Variants in THOC5 observed in about 807,000 individuals in gnomAD.
THOC5 encodes the protein Fms-interacting protein.
THOC5 carries 43 observed loss-of-function variants against 92.9 expected under a neutral mutation model. The observed-to-expected ratio is 0.46, with a 90% CI of 0.36 to 0.60. The LOEUF (loss-of-function observed/expected upper bound fraction) is 0.60, where lower values mean the gene tolerates loss of function less well. THOC5 is among the 20% of genes least tolerant of loss of function. THOC5 has a pLI of 0.00. For missense variants in THOC5, 659 were observed against 849.4 expected (o/e 0.78, Z 2.79); for synonymous variants, 296 against 320.1 (o/e 0.92, Z 0.80).
intron 17 of THOC5, among the ~76,000 whole-genome samples, chr22:29,512,727 C>A (rs2063248999): frequency 6.6e-6 from 1 of 152,152 alleles, no homozygotes. Context: ...CCTCATTTTA[C>A]ACATAAAGAA....
At chr22:29,526,856 C>T (rs539088454) in intron 11 of THOC5, among the ~76,000 whole-genome samples, 1 of 152,180 alleles carries the variant, frequency 6.6e-6, no homozygotes, top group Non-Finnish European at 1.5e-5. Context: ...AAGACTGAGA[C>T]ACTCACTGCC....
intron 1 of THOC5, among the ~76,000 whole-genome samples, chr22:29,551,677 G>T (rs67292640): frequency 1.3e-5 from 2 of 151,788 alleles, no homozygotes; most frequent in Non-Finnish European, 2.9e-5. Context: ...CTTGAGCCCA[G>T]AAGTTCCAGG....
chr22:29,552,670 C>A (rs2064191710), intron 1 of THOC5, among the ~76,000 whole-genome samples: 1 of 150,048 alleles, frequency 6.7e-6, no homozygotes, highest in Non-Finnish European at 1.5e-5. Context: ...GTGGGGGGCG[C>A]CTCTGCCCGG....
At chr22:29,518,119 C>T (rs560028661) in intron 15 of THOC5, among the ~76,000 whole-genome samples, 4 of 152,148 alleles carry the variant, frequency 2.6e-5, no homozygotes, top group Non-Finnish European at 5.9e-5. Flanking sequence ...CTGCAACTTC[C>T]GCCTCTCAGG....
chr22:29,533,886 A>G (rs1291708492), intron 7 of THOC5, among the ~76,000 whole-genome samples: 1 of 152,222 alleles, frequency 6.6e-6, no homozygotes, highest in Non-Finnish European at 1.5e-5. Flanking sequence ...GCTGGTGGGA[A>G]TTTCTGTAAA....
chr22:29,543,098 C>T (rs1398962619), intron 4 of THOC5, 142 bp from the exon 5 acceptor site: 3 of 624,964 alleles, frequency 4.8e-6, no homozygotes, highest in Non-Finnish European at 5.5e-6. Flanking sequence ...AATCCCAGCA[C>T]TTTGGGAGGC....
intron 11 of THOC5, among the ~76,000 whole-genome samples, 176 bp from the exon 12 acceptor site, chr22:29,526,122 A>G (rs2063538840): frequency 1.3e-5 from 2 of 152,204 alleles, no homozygotes; most frequent in African/African-American, 4.8e-5. Flanking sequence ...ACCACGCAAA[A>G]TAGTGTAACA....
intron 17 of THOC5, chr22:29,514,150 C>T (rs2063285093): frequency 1.3e-5 from 2 of 152,078 alleles, no homozygotes; most frequent in African/African-American, 4.8e-5. Context: ...GGGTTTTCAC[C>T]ATCTTGGCCA....
intron 3 of THOC5, among the ~76,000 whole-genome samples, chr22:29,543,866 T>C (rs914611463): frequency 1.3e-5 from 2 of 152,150 alleles, no homozygotes; most frequent in Non-Finnish European, 2.9e-5. Context: ...ATTTGACCTC[T>C]ATAAATAACA....
intron 5 of THOC5, among the ~76,000 whole-genome samples, chr22:29,541,657 C>T (rs1489280945): frequency 2.0e-5 from 3 of 149,638 alleles, no homozygotes; most frequent in East Asian, 2.0e-4. Flanking sequence ...ATCAGGAGAT[C>T]GAGACCATCC....
chr22:29,525,204 A>G (rs2063519809), intron 12 of THOC5, among the ~76,000 whole-genome samples: 1 of 152,160 alleles, frequency 6.6e-6, no homozygotes, highest in Non-Finnish European at 1.5e-5. Context: ...ACAGCCCAGA[A>G]GTTTGAGGCC....
chr22:29,545,577 A>G (rs994772306), intron 2 of THOC5, among the ~76,000 whole-genome samples: 1 of 152,162 alleles, frequency 6.6e-6, no homozygotes, highest in African/African-American at 2.4e-5. Flanking sequence ...GCCAAAACAA[A>G]GGCGTTACAG....
chr22:29,529,526 A>T (rs2063611907), intron 8 of THOC5, among the ~76,000 whole-genome samples: 1 of 152,258 alleles, frequency 6.6e-6, no homozygotes, highest in Admixed American at 6.5e-5. Context: ...ACCAAAGCAC[A>T]GAAATTCAAA....
In THOC5 at chr22:29,508,417, A is replaced by G; in HGVS notation, c.*40T>C. The G allele has an allele frequency of 6.3e-7, 1 of 1,597,258 alleles. No homozygotes were observed. Among genetic ancestry groups the G allele is most frequent in the Non-Finnish European group, 8.6e-7 (1 of 1,164,784 alleles). On this transcript the variant is annotated 3_prime_UTR_variant, in exon 20 of 20. Coordinates refer to ENST00000490103, the MANE Select transcript of THOC5 (RefSeq NM_003678.5). ...AGCAGAAAGCAGAAGCCCAGTGCTC[A>G]GGGTGAGGCCTTGGGGGAAACAACG... is the stretch of plus-strand genomic sequence containing the variant.
At chr22:29,515,713 C>G (rs1476493722) in intron 17 of THOC5, among the ~76,000 whole-genome samples, 1 of 151,622 alleles carries the variant, frequency 6.6e-6, no homozygotes, top group African/African-American at 2.4e-5. Context: ...CATTTGTAGC[C>G]CCAGCTACTC....
rs1284952002 is a variant in THOC5, at chr22:29,519,107, G to A, written c.1388C>T (p.Ala463Val). The part of the protein sequence containing the change: ...PKEQPQQTVI[A>V]DHSLSASHME... ...GTGGCTGGCGCTCAGCGAGTGGTCAGCAATCACTGTTTGCTGTGAGTGACA... is the reference window on the plus strand; with the variant it reads ...GTGGCTGGCGCTCAGCGAGTGGTCAACAATCACTGTTTGCTGTGAGTGACA... Residue 463 changes from alanine (A) to valine (V), a missense_variant, in exon 15 of 20, where the codon GCT (alanine) becomes GTT (valine). Physicochemically the swap from Ala to Val is moderately conservative, Grantham distance 64. Transcript: ENST00000490103. The A allele has an allele frequency of 1.2e-6, 2 of 1,609,778 alleles. No individual in the cohort carries two copies. Among genetic ancestry groups the A allele is most frequent in the Non-Finnish European group, 1.7e-6 (2 of 1,177,908 alleles).
chr22:29,531,196 G>T, intron 8 of THOC5: 1 of 1,059,846 alleles, frequency 9.4e-7, no homozygotes, highest in Non-Finnish European at 1.2e-6. Flanking sequence ...TAATGTGTTG[G>T]TGCCCAAGGT....
chr22:29,552,836 G>A (rs1337814374), intron 1 of THOC5, among the ~76,000 whole-genome samples: 1 of 152,198 alleles, frequency 6.6e-6, no homozygotes, highest in Non-Finnish European at 1.5e-5. Context: ...AAATCGGATT[G>A]TTGCTGTGTC....
chr22:29,551,589 A>C (rs2064145157), intron 1 of THOC5, among the ~76,000 whole-genome samples: 1 of 152,074 alleles, frequency 6.6e-6, no homozygotes, highest in African/African-American at 2.4e-5. Context: ...ATCTTTAGAA[A>C]ACATTTTAAA....
Sources: gnomAD v4.1 joint callset for allele counts (sites outside exome capture counted in the v4.1 genomes callset) on GRCh38, gnomAD v4.1.1 for gene constraint, MANE v1.5 for transcripts, NCBI Gene and HGNC (gene_info 2026-07-23, HGNC 2026-07-21) for gene names.